Variants in BCKDHB observed in about 807,000 individuals in gnomAD.
BCKDHB encodes branched chain keto acid dehydrogenase E1 subunit beta.
Under a neutral mutation model 48.5 loss-of-function variants are expected in BCKDHB, and 41 were observed. The observed-to-expected ratio is 0.85, with a 90% CI of 0.66 to 1.10. BCKDHB has a LOEUF of 1.10. BCKDHB is among the 50% of genes least tolerant of loss of function. The probability of loss-of-function intolerance (pLI) is 0.00; values close to 1 mark genes in which losing one functional copy is unlikely to be tolerated. For synonymous variants in BCKDHB, 201 were observed against 174.8 expected (o/e 1.15, Z -1.18); for missense variants, 496 against 494.2 (o/e 1.00, Z -0.03).
chr6:80,372,514 C>CT, the BCKDHB span, among the ~76,000 whole-genome samples: 2 of 152,106 alleles, frequency 1.3e-5, no homozygotes, highest in Admixed American at 1.3e-4. Flanking sequence ...AGTGGGCATC[C>CT]TTATCTTGTT....
intron 9 of BCKDHB, among the ~76,000 whole-genome samples, chr6:80,287,783 C>G (rs1766702467): frequency 6.6e-6 from 1 of 152,174 alleles, no homozygotes; most frequent in Non-Finnish European, 1.5e-5. Context: ...GGCACTTAGT[C>G]TGCTGAGGGC....
chr6:80,167,298 A>G (rs1406095431), intron 3 of BCKDHB, among the ~76,000 whole-genome samples: 1 of 151,300 alleles, frequency 6.6e-6, no homozygotes, highest in East Asian at 1.9e-4. Flanking sequence ...TTCCTTTCAA[A>G]TAGTTGGGTT....
chr6:80,123,140 A>G (rs1770133449), intron 1 of BCKDHB, among the ~76,000 whole-genome samples: 1 of 151,990 alleles, frequency 6.6e-6, no homozygotes, highest in Admixed American at 6.6e-5. Flanking sequence ...GTCAGACCTT[A>G]TGGTTGTCTT....
chr6:80,385,195 C>G, the BCKDHB span, among the ~76,000 whole-genome samples: 2 of 152,128 alleles, frequency 1.3e-5, no homozygotes, highest in African/African-American at 4.8e-5. Context: ...ATTCTGTCTC[C>G]CAGCTTCAGA....
the BCKDHB span, chr6:80,453,120 T>TATTTCTTTTTCATGCTTC: frequency 6.6e-6 from 1 of 152,210 alleles, no homozygotes; most frequent in Admixed American, 6.5e-5. Flanking sequence ...AATAAAGGTT[T>TATTTCTTTTTCATGCTTC]ATTTCTTTTT....
chr6:80,222,655 A>G (rs1481170029), intron 8 of BCKDHB, among the ~76,000 whole-genome samples: 2 of 151,912 alleles, frequency 1.3e-5, no homozygotes, highest in Non-Finnish European at 2.9e-5. Flanking sequence ...GGCATTTTCC[A>G]TCCATCTGTT....
intron 6 of BCKDHB, among the ~76,000 whole-genome samples, chr6:80,188,203 G>A (rs557994982): frequency 7.9e-5 from 12 of 152,260 alleles, no homozygotes; most frequent in East Asian, 5.8e-4. Flanking sequence ...ATTATCCATA[G>A]CAAAACATTA....
At chr6:80,317,097 C>T (rs2127999773) in intron 9 of BCKDHB, among the ~76,000 whole-genome samples, 1 of 152,340 alleles carries the variant, frequency 6.6e-6, no homozygotes, top group Non-Finnish European at 1.5e-5. Flanking sequence ...TGTGGCCGTT[C>T]TCTCTGATTT....
intron 6 of BCKDHB, among the ~76,000 whole-genome samples, chr6:80,194,393 A>G (rs1027659835): frequency 1.3e-4 from 20 of 152,342 alleles, no homozygotes; most frequent in African/African-American, 4.8e-4. Flanking sequence ...GCATGGATAC[A>G]ATACTATTAA....
intron 8 of BCKDHB, among the ~76,000 whole-genome samples, chr6:80,265,054 AAAT>A (rs1314948163): frequency 6.6e-6 from 1 of 152,098 alleles, no homozygotes; most frequent in East Asian, 1.9e-4. Flanking sequence ...AAACTACAGA[AAAT>A]AAGTGTTGGT....
chr6:80,387,298 G>C, the BCKDHB span, among the ~76,000 whole-genome samples: 1 of 152,182 alleles, frequency 6.6e-6, no homozygotes. Context: ...TTGGCTCCCT[G>C]ACTGGCAGAG....
chr6:80,306,272 CAT>C (rs1232072257), intron 9 of BCKDHB, among the ~76,000 whole-genome samples: 10 of 152,116 alleles, frequency 6.6e-5, no homozygotes, highest in Admixed American at 2.6e-4. Flanking sequence ...AACACAATAA[CAT>C]ATTTATTTAA....
intron 9 of BCKDHB, among the ~76,000 whole-genome samples, chr6:80,287,679 G>A (rs924594118): frequency 1.3e-5 from 2 of 152,032 alleles, no homozygotes; most frequent in African/African-American, 4.8e-5. Flanking sequence ...TGAATACAAG[G>A]GCTTTTATAT....
At chr6:80,199,644 G>T (rs996074421) in intron 6 of BCKDHB, among the ~76,000 whole-genome samples, 1 of 151,578 alleles carries the variant, frequency 6.6e-6, no homozygotes, top group Admixed American at 6.6e-5. Flanking sequence ...GAGCGTGGTG[G>T]TGCGTGCCTG....
chr6:80,155,084 C>G (rs949331947), intron 3 of BCKDHB, among the ~76,000 whole-genome samples: 1 of 152,082 alleles, frequency 6.6e-6, no homozygotes, highest in Non-Finnish European at 1.5e-5. Context: ...TTTAAAAGGA[C>G]TTTAAAAACA....
the BCKDHB span, among the ~76,000 whole-genome samples, chr6:80,421,701 C>T: frequency 1.3e-5 from 2 of 152,044 alleles, 1 homozygote; most frequent in Admixed American, 1.3e-4. Flanking sequence ...TTGCTCCTGC[C>T]CTAGAGATCT....
chr6:80,213,349 CAATT>C (rs1372044245), intron 8 of BCKDHB, among the ~76,000 whole-genome samples: 1 of 152,114 alleles, frequency 6.6e-6, no homozygotes, highest in Non-Finnish European at 1.5e-5. Flanking sequence ...AGAATAGGAA[CAATT>C]TATCTACTTT....
At chr6:80,447,605 C>G in the BCKDHB span, among the ~76,000 whole-genome samples, 1,160 of 152,194 alleles carry the variant, frequency 7.6e-3, 19 homozygotes, top group African/African-American at 0.026. Flanking sequence ...GCCTAGCTCT[C>G]CTGCCTAACC....
chr6:80,353,571 G>A, the BCKDHB span, among the ~76,000 whole-genome samples: 2 of 150,978 alleles, frequency 1.3e-5, no homozygotes, highest in South Asian at 2.1e-4. Context: ...TAGCTCTTCT[G>A]TGGCCAGGCA....
Sources: allele counts gnomAD v4.1 joint callset (sites outside exome capture counted in the v4.1 genomes callset), GRCh38; gene constraint gnomAD v4.1.1; transcripts MANE v1.5; gene names NCBI Gene and HGNC (gene_info 2026-07-23, HGNC 2026-07-21).